The following ERC1 variants were observed in gnomAD, a reference collection of about 807,000 sequenced individuals.
The protein encoded by ERC1 is ELKS/RAB6-interacting/CAST family member 1, also known as RAB6 interacting protein 2.
A neutral mutation model predicts 132.0 loss-of-function variants in ERC1; 56 were observed. The ratio of observed to expected loss-of-function variants is 0.42; its 90% CI spans 0.34 to 0.53. The LOEUF is 0.53. Among genes scored for constraint, ERC1 ranks in the 20% least tolerant of loss-of-function variants. The probability of loss-of-function intolerance (pLI) is 0.03; values close to 1 mark genes in which losing one functional copy is unlikely to be tolerated. For synonymous variants in ERC1, 478 were observed against 476.1 expected (o/e 1.00, Z -0.05); for missense variants, 1,202 against 1,349.9 (o/e 0.89, Z 1.72).
chr12:1,140,250 A>G (rs1593637341), intron 7 of ERC1, among the ~76,000 whole-genome samples: 1 of 152,250 alleles, frequency 6.6e-6, no homozygotes, highest in East Asian at 1.9e-4. Context: ...TCTTGTTAAG[A>G]AATTTTCCAT....
chr12:1,210,029 T>G (rs1027233545), intron 12 of ERC1, among the ~76,000 whole-genome samples: 3 of 152,210 alleles, frequency 2.0e-5, no homozygotes, highest in Non-Finnish European at 4.4e-5. Context: ...AAAGCACTGT[T>G]TTCACTGGCA....
chr12:1,224,687 G>GAA (rs200728834), intron 12 of ERC1, among the ~76,000 whole-genome samples: 1 of 150,604 alleles, frequency 6.6e-6, no homozygotes, highest in East Asian at 1.9e-4. Flanking sequence ...TGATAAAAAA[G>GAA]AAAAAAAAAT....
At chr12:1,108,938 G>C (rs1033483001) in intron 4 of ERC1, among the ~76,000 whole-genome samples, 1 of 152,124 alleles carries the variant, frequency 6.6e-6, no homozygotes, top group African/African-American at 2.4e-5. Flanking sequence ...GAGAATAAAG[G>C]AGACTTAATC....
At chr12:1,333,670 T>A (rs1301636041) in intron 15 of ERC1, among the ~76,000 whole-genome samples, 2 of 152,220 alleles carry the variant, frequency 1.3e-5, no homozygotes, top group Non-Finnish European at 2.9e-5. Context: ...GCATGTAGGT[T>A]GATTCTGTAT....
intron 7 of ERC1, among the ~76,000 whole-genome samples, chr12:1,132,703 G>A (rs1226629736): frequency 2.4e-5 from 2 of 83,526 alleles, no homozygotes; most frequent in East Asian, 4.1e-4. Flanking sequence ...TCCATGTCCC[G>A]CAGATGGAAA....
At chr12:1,137,324 C>T (rs944915125) in intron 7 of ERC1, among the ~76,000 whole-genome samples, 3 of 151,434 alleles carry the variant, frequency 2.0e-5, no homozygotes, top group African/African-American at 7.3e-5. Flanking sequence ...GTCTCTATCT[C>T]CTGACCTTGT....
chr12:1,250,920 C>T (rs1040830374), intron 13 of ERC1, among the ~76,000 whole-genome samples: 3 of 152,098 alleles, frequency 2.0e-5, no homozygotes, highest in African/African-American at 4.8e-5. Flanking sequence ...TGTGAGACAG[C>T]TCTCCCGAAA....
At chr12:1,312,119 A>G (rs2081352987) in intron 15 of ERC1, among the ~76,000 whole-genome samples, 1 of 152,082 alleles carries the variant, frequency 6.6e-6, no homozygotes, top group Non-Finnish European at 1.5e-5. Flanking sequence ...CTATTTTTTC[A>G]TCAACAGCTA....
intron 7 of ERC1, among the ~76,000 whole-genome samples, chr12:1,121,753 C>T (rs1462130670): frequency 5.4e-4 from 3 of 5,588 alleles, no homozygotes; most frequent in African/African-American, 9.1e-4. Context: ...CTATCTCTAT[C>T]TCTATCTCTA....
intron 17 of ERC1, among the ~76,000 whole-genome samples, chr12:1,425,716 G>A (rs916082812): frequency 2.0e-4 from 30 of 152,106 alleles, no homozygotes; most frequent in Admixed American, 7.9e-4. Flanking sequence ...TTAGTATTAG[G>A]ATCAACTATC....
chr12:1,132,630 ATGG>A (rs1173448497), intron 7 of ERC1, among the ~76,000 whole-genome samples: 2 of 152,132 alleles, frequency 1.3e-5, no homozygotes, highest in African/African-American at 2.4e-5. Flanking sequence ...GTCCTGTGTG[ATGG>A]TGGTGCCATC....
chr12:1,427,775 A>T (rs2092683344), intron 17 of ERC1, among the ~76,000 whole-genome samples: 1 of 152,204 alleles, frequency 6.6e-6, no homozygotes, highest in Non-Finnish European at 1.5e-5. Flanking sequence ...GTGGGAATTA[A>T]ATGTAATAAT....
chr12:1,137,090 TTTTTC>T (rs1188522058), intron 7 of ERC1, among the ~76,000 whole-genome samples: 5 of 150,196 alleles, frequency 3.3e-5, no homozygotes, highest in Admixed American at 1.3e-4. Flanking sequence ...TTTCTTTCTT[TTTTTC>T]TTTTCTTTTT....
rs571167397 is a variant in ERC1 at position 993,709 on chromosome 12, C to T, written c.-157+2387C>T. 2.3e-3 allele frequency among the ~76,000 whole-genome samples: 356 copies of T among 152,250 alleles called. 1 individual carries two copies. The highest frequency in any genetic ancestry group is 5.4e-3 in the South Asian group (26 of 4,822). ...ATGAGGTCAGGAGTTCGAGACTAGC[C>T]TGGCCAACATGGTGAAACCCTGTCT... On this transcript the variant is annotated intron_variant, in intron 1 of 18. Transcript: ENST00000360905.
chr12:1,172,931 G>A (rs1378109952), intron 8 of ERC1, among the ~76,000 whole-genome samples: 5 of 152,112 alleles, frequency 3.3e-5, no homozygotes. Context: ...AATCCTTAAC[G>A]TCAAGCATCT....
chr12:1,401,208 A>C (rs768235562), intron 16 of ERC1, among the ~76,000 whole-genome samples: 2 of 152,030 alleles, frequency 1.3e-5, no homozygotes, highest in Admixed American at 6.5e-5. Flanking sequence ...TGCTGGGATT[A>C]CAGGCGTGAG....
intron 3 of ERC1, among the ~76,000 whole-genome samples, chr12:1,092,001 CT>C (rs34377863): frequency 0.52 from 71,292 of 137,942 alleles, 18,692 homozygotes; most frequent in East Asian, 0.73. Flanking sequence ...TTAATCAATT[CT>C]TTTTTTTTTT....
chr12:1,395,055 A>G (rs2090414724), intron 16 of ERC1, among the ~76,000 whole-genome samples: 1 of 152,252 alleles, frequency 6.6e-6, no homozygotes, highest in African/African-American at 2.4e-5. Flanking sequence ...CTTTGAGAAC[A>G]GATACAGCTG....
At chr12:1,195,129 A>G (rs1421151101) in intron 12 of ERC1, among the ~76,000 whole-genome samples, 1 of 152,162 alleles carries the variant, frequency 6.6e-6, no homozygotes, top group Non-Finnish European at 1.5e-5. Context: ...CATAATTTAC[A>G]TACAATAAAA....
Sources: allele counts gnomAD v4.1 joint callset (sites outside exome capture counted in the v4.1 genomes callset), GRCh38; gene constraint gnomAD v4.1.1; transcripts MANE v1.5; gene names NCBI Gene and HGNC (gene_info 2026-07-23, HGNC 2026-07-21).